Variants in NME8 observed in about 807,000 individuals in gnomAD.
The protein encoded by NME8 is protein NME8.
In NME8, 72 loss-of-function variants were observed where a neutral mutation model predicts 82.3. The ratio of observed to expected loss-of-function variants is 0.87; its 90% confidence interval spans 0.72 to 1.06. The LOEUF is 1.06. NME8 is among the 50% of genes least tolerant of loss of function. NME8 has a pLI of 0.00. For synonymous variants in NME8, 267 were observed against 228.5 expected (o/e 1.17, Z -1.52); for missense variants, 712 against 685.4 (o/e 1.04, Z -0.43).
Position 37,879,161 on chromosome 7 carries a change from T to G in NME8, c.994+2154T>G, listed in dbSNP as rs543463517. Among the ~76,000 whole-genome samples, 41 of 152,182 alleles carry G rather than the reference T, an allele frequency of 2.7e-4. No individual in the cohort carries two copies. The East Asian group carries it at 7.7e-3, about 29-fold the overall frequency. On this transcript the variant is annotated intron_variant, in intron 12 of 17. Coordinates refer to ENST00000199447, the MANE Select transcript of NME8 (RefSeq NM_016616.5). ...ATATATTTGTTTTTATTTATTTTTA[T>G]TTTTTGAGATGGAGTCTTGCTCTGT...
chr7:37,867,902 T>G lies in NME8; in HGVS notation c.818+4T>G. 1.9e-6 allele frequency: 3 copies of G among 1,612,890 alleles called. No individual in the cohort carries two copies. The highest frequency in any genetic ancestry group is 2.5e-6 in the Non-Finnish European group (3 of 1,179,172). The stretch of plus-strand genomic sequence containing the variant: ...TGATGAAGAACAAACAAGACAGGTA[T>G]AGCTCAAGACCAGGAATTGTGTTAC... On this transcript the variant is annotated splice_donor_region_variant and intron_variant, in intron 11 of 17. Coordinates refer to ENST00000199447, the MANE Select transcript of NME8 (RefSeq NM_016616.5).
intron 17 of NME8, among the ~76,000 whole-genome samples, chr7:37,898,684 G>T (rs1317996360): frequency 1.3e-5 from 2 of 152,156 alleles, no homozygotes; most frequent in Non-Finnish European, 2.9e-5. Flanking sequence ...GAGAGAAAAA[G>T]TAAATTATAG....
At chr7:37,894,880 CTTTCCTTTCCTTTCT>C (rs1402858272) in intron 16 of NME8, among the ~76,000 whole-genome samples, 2 of 151,170 alleles carry the variant, frequency 1.3e-5, no homozygotes, top group African/African-American at 4.9e-5. Flanking sequence ...CTTCCCTTCC[CTTTCCTTTCCTTTCT>C]TTTCCTTTCC....
chr7:37,855,709 T>C (rs1414626911), intron 5 of NME8, among the ~76,000 whole-genome samples: 2 of 152,206 alleles, frequency 1.3e-5, no homozygotes, highest in Non-Finnish European at 2.9e-5. Flanking sequence ...TTGCAGGCAT[T>C]AAATTCTCCA....
chr7:37,892,568 A>C lies in NME8; in HGVS notation c.1400-1898A>C, dbSNP rs1176104399. 5.9e-5 allele frequency among the ~76,000 whole-genome samples: 9 copies of C among 151,846 alleles called. No individual in the cohort carries two copies. The East Asian group carries it at 1.7e-3, about 29-fold the overall frequency. ...GTGTAGACATGCTTATCTTTGCCTA[A>C]CTTCTGTATCTATCACTTTCCCTAT... is the stretch of plus-strand genomic sequence containing the variant. On this transcript the variant is annotated intron_variant, in intron 15 of 17. Transcript: ENST00000199447.
intron 5 of NME8, among the ~76,000 whole-genome samples, chr7:37,851,259 A>G (rs1408475735): frequency 6.6e-6 from 1 of 152,224 alleles, no homozygotes; most frequent in Non-Finnish European, 1.5e-5. Flanking sequence ...TTCGTTGTCC[A>G]ACATGGTAGC....
intron 15 of NME8, among the ~76,000 whole-genome samples, chr7:37,890,612 G>T (rs1252124926): frequency 6.6e-6 from 1 of 151,802 alleles, no homozygotes; most frequent in Non-Finnish European, 1.5e-5. Flanking sequence ...GCACCATTCT[G>T]CTCTCTACTT....
rs755910817 is a variant in NME8, at chr7:37,857,275, C to A, written c.200C>A (p.Ala67Glu). Residue 67 changes from alanine to glutamate, a missense_variant and splice_region_variant, in exon 6 of 18, where the codon GCA becomes GAA. Ala to Glu is a moderately radical substitution (Grantham distance 107). Transcript: ENST00000199447. ...ATATGAAATGTTTACTTTTTCCAGG[C>A]AGAAGCTGACAACATTGTGACTTTG... ...NEDEILHFAV[A>E]EADNIVTLQP... 6.2e-7 allele frequency: 1 copy of A among 1,608,286 alleles called. No homozygotes were observed. The highest frequency in any genetic ancestry group is 8.5e-7 in the Non-Finnish European group (1 of 1,175,778).
intron 6 of NME8, among the ~76,000 whole-genome samples, chr7:37,860,512 T>C (rs1042605904): frequency 6.6e-6 from 1 of 152,228 alleles, no homozygotes; most frequent in African/African-American, 2.4e-5. Context: ...TTATGTGACT[T>C]GGTTTTCCTT....
intron 11 of NME8, among the ~76,000 whole-genome samples, chr7:37,871,701 A>G (rs1450845): frequency 0.29 from 44,271 of 151,852 alleles, 6,734 homozygotes; most frequent in Non-Finnish European, 0.34. Flanking sequence ...GACATTTCCA[A>G]CCACCTCTAC....
intron 5 of NME8, among the ~76,000 whole-genome samples, chr7:37,855,100 G>C (rs1784492739): frequency 1.3e-5 from 2 of 152,126 alleles, no homozygotes; most frequent in South Asian, 4.1e-4. Context: ...CCCTGATCTA[G>C]AGGCTGAATT....
chr7:37,864,310 G>A, intron 8 of NME8, 38 bp from the exon 9 acceptor site: 1 of 1,571,290 alleles, frequency 6.4e-7, no homozygotes, highest in Non-Finnish European at 8.7e-7. Flanking sequence ...TTCGTGCCAA[G>A]AAAATGAAAT....
intron 15 of NME8, among the ~76,000 whole-genome samples, chr7:37,890,467 C>T (rs775221197): frequency 6.6e-6 from 1 of 151,912 alleles, no homozygotes; most frequent in Non-Finnish European, 1.5e-5. Flanking sequence ...GTCTCCTCTT[C>T]TACCTATTTT....
chr7:37,867,663 AG>A, intron 10 of NME8, 38 bp from the exon 11 acceptor site: 2 of 1,532,046 alleles, frequency 1.3e-6, no homozygotes, highest in Non-Finnish European at 9.0e-7. Flanking sequence ...CATCCATTTC[AG>A]GAGCCTGAAG....
chr7:37,887,215 C>T (rs1785055787), intron 14 of NME8, among the ~76,000 whole-genome samples: 2 of 152,254 alleles, frequency 1.3e-5, no homozygotes, highest in African/African-American at 4.8e-5. Flanking sequence ...TAACAATAAA[C>T]TGTCTAATGT....
intron 5 of NME8, 54 bp downstream of exon 5, chr7:37,850,789 A>G (rs1784428435): frequency 8.9e-7 from 1 of 1,123,150 alleles, no homozygotes; most frequent in South Asian, 1.2e-5. Context: ...TAAGTTTTTA[A>G]GTATCCTCTA....
chr7:37,880,411 A>G (rs2598016), intron 12 of NME8, among the ~76,000 whole-genome samples: 31,769 of 152,008 alleles, frequency 0.21, 4,163 homozygotes, highest in Non-Finnish European at 0.3. Context: ...TACTGTTTTG[A>G]GAGGGTATTT....
chr7:37,874,036 A>G (rs945968589), intron 11 of NME8, among the ~76,000 whole-genome samples: 1 of 152,206 alleles, frequency 6.6e-6, no homozygotes, highest in Admixed American at 6.5e-5. Context: ...ATTCTTACAA[A>G]GCTAAGATAT....
intron 12 of NME8, among the ~76,000 whole-genome samples, chr7:37,881,018 C>T (rs950342053): frequency 6.6e-6 from 1 of 151,974 alleles, no homozygotes; most frequent in African/African-American, 2.4e-5. Flanking sequence ...TATCAGTGCC[C>T]GAAGTTTTGT....
Sources: gnomAD v4.1 joint callset for allele counts (sites outside exome capture counted in the v4.1 genomes callset) on GRCh38, gnomAD v4.1.1 for gene constraint, MANE v1.5 for transcripts, NCBI Gene and HGNC (gene_info 2026-07-23, HGNC 2026-07-21) for gene names.